The following NLGN1 variants were observed in gnomAD, a reference collection of about 807,000 sequenced individuals.
NLGN1 encodes the protein neuroligin-1.
NLGN1 carries 12 observed loss-of-function variants against 65.5 expected under a neutral mutation model. The ratio of observed to expected loss-of-function variants is 0.18; its 90% CI spans 0.12 to 0.30. NLGN1 has a LOEUF of 0.30. NLGN1 is among the 10% of genes least tolerant of loss of function. The pLI is 1.00. For missense variants in NLGN1, 750 were observed against 1,007.1 expected, an observed-to-expected ratio of 0.74 and a Z score of 3.46; for synonymous variants, 350 against 359.5, an observed-to-expected ratio of 0.97 and a Z score of 0.30.
chr3:173,419,373 C>T (rs1465479124), intron 1 of NLGN1, among the ~76,000 whole-genome samples: 5 of 148,224 alleles, frequency 3.4e-5, no homozygotes, highest in African/African-American at 7.5e-5. Flanking sequence ...GGGGTTATCT[C>T]GGGGCTGGCA....
intron 4 of NLGN1, among the ~76,000 whole-genome samples, chr3:173,851,068 A>T (rs2861594): frequency 0.82 from 124,252 of 152,084 alleles, 51,409 homozygotes; most frequent in African/African-American, 0.91. Context: ...ACTTTTATGT[A>T]TTTTATACCA....
intron 3 of NLGN1, among the ~76,000 whole-genome samples, chr3:173,731,278 A>G (rs1277701595): frequency 2.6e-5 from 4 of 152,144 alleles, no homozygotes; most frequent in African/African-American, 9.7e-5. Flanking sequence ...ACCATGAAAC[A>G]TAGCAATAAA....
At chr3:174,200,574 T>G (rs1734256336) in intron 4 of NLGN1, among the ~76,000 whole-genome samples, 1 of 152,186 alleles carries the variant, frequency 6.6e-6, no homozygotes, top group African/African-American at 2.4e-5. Context: ...CATCAATAAC[T>G]AGTATCCAGA....
At chr3:173,598,637 A>G (rs779020365) in intron 2 of NLGN1, among the ~76,000 whole-genome samples, 1 of 152,176 alleles carries the variant, frequency 6.6e-6, no homozygotes, top group East Asian at 1.9e-4. Flanking sequence ...TGCCATTTCA[A>G]TCTTATCCAA....
intron 2 of NLGN1, among the ~76,000 whole-genome samples, chr3:173,447,770 C>T (rs901987734): frequency 2.0e-5 from 3 of 152,050 alleles, no homozygotes; most frequent in Non-Finnish European, 4.4e-5. Context: ...TGAAGAGATC[C>T]TTCACATCCC....
intron 4 of NLGN1, among the ~76,000 whole-genome samples, chr3:174,179,547 C>T (rs1314013973): frequency 2.0e-5 from 3 of 151,896 alleles, no homozygotes; most frequent in African/African-American, 7.3e-5. Flanking sequence ...TAGATATTGG[C>T]AGGGAAAAAG....
intron 3 of NLGN1, among the ~76,000 whole-genome samples, chr3:173,786,930 A>G (rs538372249): frequency 1.3e-5 from 2 of 152,230 alleles, no homozygotes; most frequent in South Asian, 4.2e-4. Context: ...ACAAAAAAGT[A>G]GCAGGGTGTG....
exon 7 of NLGN1, chr3:174,282,092 AGAAG>A (rs1751604608): frequency 1.3e-5 from 2 of 152,318 alleles, no homozygotes; most frequent in Admixed American, 1.3e-4. Context: ...GTTTCAATAT[AGAAG>A]GAATTAGCTA....
chr3:174,198,064 TG>T (rs1561271106), intron 4 of NLGN1, among the ~76,000 whole-genome samples: 1 of 152,134 alleles, frequency 6.6e-6, no homozygotes, highest in Non-Finnish European at 1.5e-5. Flanking sequence ...ATTGTTACTA[TG>T]TTTATATTAT....
rs568775688 is a variant in NLGN1 at position 173,526,220 on chromosome 3, T to C, written c.-320-78059T>C. On this transcript the variant is annotated intron_variant, in intron 2 of 6. Coordinates refer to ENST00000457714, the Ensembl canonical transcript of NLGN1. ...TTTCAGTCTGTTTTCTTAGGTCTAG[T>C]AGTATTTGGTTTGTAAACCTCGGTA... 4.6e-5 allele frequency among the ~76,000 whole-genome samples: 7 copies of C among 152,236 alleles called. 1 individual carries two copies. In the East Asian group the frequency reaches 9.7e-4, roughly 21 times the overall value.
intron 4 of NLGN1, among the ~76,000 whole-genome samples, chr3:174,270,177 TTTGTTTA>T (rs1320211691): frequency 1.3e-3 from 83 of 66,380 alleles, no homozygotes; most frequent in Non-Finnish European, 2.3e-3. Flanking sequence ...TGTAGTCTTA[TTTGTTTA>T]TTTTTTTTTT....
intron 4 of NLGN1, among the ~76,000 whole-genome samples, chr3:174,272,946 A>ATAT (rs1273520306): frequency 1.3e-5 from 2 of 151,386 alleles, no homozygotes; most frequent in Non-Finnish European, 3.0e-5. Flanking sequence ...TTTCTTGAAT[A>ATAT]TATTACAAGA....
chr3:174,207,264 T>A (rs958594786), intron 4 of NLGN1, among the ~76,000 whole-genome samples: 1 of 150,608 alleles, frequency 6.6e-6, no homozygotes, highest in South Asian at 2.1e-4. Context: ...AAAGATAACA[T>A]GCTTGGCTGG....
intron 4 of NLGN1, among the ~76,000 whole-genome samples, chr3:173,815,104 C>A (rs1322021533): frequency 1.3e-5 from 2 of 148,150 alleles, no homozygotes; most frequent in East Asian, 4.0e-4. Context: ...TTCCTTCCTG[C>A]CTTCCTTCAT....
At chr3:174,197,281 A>G (rs963602934) in intron 4 of NLGN1, among the ~76,000 whole-genome samples, 5 of 152,174 alleles carry the variant, frequency 3.3e-5, no homozygotes, top group African/African-American at 7.2e-5. Flanking sequence ...TTTTGGAACA[A>G]TAGTGGAAAG....
At chr3:174,198,630 G>A (rs540209260) in intron 4 of NLGN1, among the ~76,000 whole-genome samples, 1 of 152,124 alleles carries the variant, frequency 6.6e-6, no homozygotes, top group Non-Finnish European at 1.5e-5. Flanking sequence ...ATTTGAAAAA[G>A]AATGTAATGG....
At chr3:173,659,479 A>C (rs560847010) in intron 3 of NLGN1, among the ~76,000 whole-genome samples, 1 of 152,068 alleles carries the variant, frequency 6.6e-6, no homozygotes, top group South Asian at 2.1e-4. Context: ...GGGATATTTC[A>C]GAAATATTAA....
At chr3:174,288,237 A>G (rs1228355295), downstream of NLGN1, among the ~76,000 whole-genome samples, 1 of 151,620 alleles carries the variant, frequency 6.6e-6, no homozygotes, top group Non-Finnish European at 1.5e-5. Context: ...TAAGGTATGT[A>G]GCAGACATCT....
rs143522580 is a variant in NLGN1 at position 173,501,579 on chromosome 3, G to A, written c.-321+66501G>A. On this transcript the variant is annotated intron_variant, in intron 2 of 6. Coordinates refer to ENST00000457714, the Ensembl canonical transcript of NLGN1. The stretch of plus-strand genomic sequence containing the variant: ...CATTGATGTTACTATTGTTGTTAGC[G>A]ATATGGAGTAACAGACTTTGTCCAG... 3.6e-3 allele frequency among the ~76,000 whole-genome samples: 551 copies of A among 151,726 alleles called. 3 individuals carry two copies. Among genetic ancestry groups the A allele is most frequent in the African/African-American group, 0.013 (526 of 41,428 alleles).
Sources: gnomAD v4.1 joint callset for allele counts (sites outside exome capture counted in the v4.1 genomes callset) on GRCh38, gnomAD v4.1.1 for gene constraint, MANE v1.5 for transcripts, NCBI Gene and HGNC (gene_info 2026-07-23, HGNC 2026-07-21) for gene names.